Variants in TTPAL observed in about 807,000 individuals in gnomAD.
TTPAL encodes alpha-tocopherol transfer protein-like.
A neutral mutation model predicts 28.7 loss-of-function variants in TTPAL; 21 were observed. The ratio of observed to expected loss-of-function variants is 0.73; its 90% CI spans 0.52 to 1.06. TTPAL has a LOEUF of 1.06. Among genes scored for constraint, TTPAL ranks in the 50% least tolerant of loss-of-function variants. The pLI is 0.00. For missense variants in TTPAL, 345 were observed against 425.5 expected, an observed-to-expected ratio of 0.81 and a Z score of 1.67; for synonymous variants, 169 against 171.9, an observed-to-expected ratio of 0.98 and a Z score of 0.13.
rs2064063105 is a variant in TTPAL, at chr20:44,478,123, T to G, written c.-15-1862T>G. ...GACAGAGCAAGACCCTGTCTCTCTC[T>G]TAAACAAAAAAGTGCATGAGTTCAG... On this transcript the variant is annotated intron_variant, in intron 1 of 4. Transcript: ENST00000262605. 2.6e-5 allele frequency among the ~76,000 whole-genome samples: 4 copies of G among 152,242 alleles called. No homozygotes were observed. The South Asian group carries it at 8.3e-4, about 32-fold the overall frequency.
Position 44,476,433 on chromosome 20 carries a change from C to T in TTPAL, c.-16+442C>T, listed in dbSNP as rs567607302. On this transcript the variant is annotated intron_variant, in intron 1 of 4. Coordinates refer to ENST00000262605, the MANE Select transcript of TTPAL (RefSeq NM_001039199.3). ...CAGGTGGAGGGTACAGATTAGAAGC[C>T]CAGGGTGGGGCTAGACGCATCCTTG... is the stretch of plus-strand genomic sequence containing the variant. Among the ~76,000 whole-genome samples the T allele has an allele frequency of 3.3e-5, 5 of 152,266 alleles. No individual in the cohort carries two copies. The South Asian group carries it at 1.0e-3, about 32-fold the overall frequency.
At chr20:44,486,420 G>GA in intron 3 of TTPAL, 176 bp from the exon 4 acceptor site, 5 of 498,722 alleles carry the variant, frequency 1.0e-5, no homozygotes, top group Admixed American at 3.8e-5. Flanking sequence ...TGGGTCCCAG[G>GA]AAAGACTTTC....
chr20:44,490,778 C>CT lies in TTPAL; in HGVS notation c.*1240dup, dbSNP rs1309727993. On this transcript the variant is annotated 3_prime_UTR_variant, in exon 5 of 5. Transcript: ENST00000262605. ...CTACAGTAGTTAATTACTTGAGATT[C>CT]TTTAATTTTGGTCTCTGAGCTGGGC... 6.6e-6 allele frequency: 1 copy of CT among 152,152 alleles called. No homozygotes were observed. The highest frequency in any genetic ancestry group is 1.5e-5 in the Non-Finnish European group (1 of 68,004). The allele number at this position is 152,152 out of a possible 1,614,324, so 9.4% of individuals were successfully genotyped here.
Position 44,490,536 on chromosome 20 carries a change from T to C in TTPAL, c.*995T>C, listed in dbSNP as rs2064195267. The C allele has an allele frequency of 6.6e-6, 1 of 152,388 alleles. No individual in the cohort carries two copies. The highest frequency in any genetic ancestry group is 6.5e-5 in the Admixed American group (1 of 15,280). The allele number at this position is 152,388 out of a possible 1,614,324, so 9.4% of individuals were successfully genotyped here. On this transcript the variant is annotated 3_prime_UTR_variant, in exon 5 of 5. Coordinates refer to ENST00000262605, the MANE Select transcript of TTPAL (RefSeq NM_001039199.3). ...GGTTGGATCCTGTTTTTGTTTGTGG[T>C]ACATGTGTCTTTCCAAGAGAGATGT...
intron 3 of TTPAL, chr20:44,485,882 A>G (rs1332852264): frequency 6.6e-6 from 1 of 152,224 alleles, no homozygotes; most frequent in Admixed American, 6.5e-5. Context: ...GCAGTTAAGG[A>G]AACTCACTTG....
At chr20:44,488,347 T>C (rs767307617) in intron 4 of TTPAL, among the ~76,000 whole-genome samples, 5 of 152,228 alleles carry the variant, frequency 3.3e-5, no homozygotes, top group Admixed American at 3.3e-4. Flanking sequence ...GTCTTTTACA[T>C]CTGTGAAATG....
chr20:44,489,113 C>A, intron 4 of TTPAL, 150 bp from the exon 5 acceptor site: 2 of 838,938 alleles, frequency 2.4e-6, no homozygotes, highest in African/African-American at 1.7e-5. Context: ...ATACTCCAGG[C>A]TTTCTGGGCT....
chr20:44,477,874 C>A (rs543407683), intron 1 of TTPAL, among the ~76,000 whole-genome samples: 1 of 152,036 alleles, frequency 6.6e-6, no homozygotes, highest in African/African-American at 2.4e-5. Flanking sequence ...AGGCTGGTCT[C>A]GAACTCCTGA....
rs1482086262 is a variant in TTPAL, at chr20:44,491,496, T to C, written c.*1955T>C. The C allele has an allele frequency of 1.3e-5, 2 of 152,364 alleles. No homozygotes were observed. Among genetic ancestry groups the C allele is most frequent in the East Asian group, 3.7e-4 (2 of 5,344 alleles). The allele number at this position is 152,364 out of a possible 1,614,324, so 9.4% of individuals were successfully genotyped here. On this transcript the variant is annotated 3_prime_UTR_variant, in exon 5 of 5. Coordinates refer to ENST00000262605, the MANE Select transcript of TTPAL (RefSeq NM_001039199.3). ...CAATCTGTTGTTACTAAGCTGTTTA[T>C]CTCTATTGCCTTTTTAAATGTCTGG...
At chr20:44,481,479 C>A (rs943273269) in intron 2 of TTPAL, among the ~76,000 whole-genome samples, 10 of 152,180 alleles carry the variant, frequency 6.6e-5, no homozygotes, top group Non-Finnish European at 1.2e-4. Flanking sequence ...CTGTTCTCTT[C>A]CATGACACCA....
chr20:44,482,875 T>G (rs2064119276), intron 2 of TTPAL, among the ~76,000 whole-genome samples: 2 of 152,162 alleles, frequency 1.3e-5, no homozygotes. Context: ...GCTTTTTTTT[T>G]GAGACAGAGT....
intron 1 of TTPAL, among the ~76,000 whole-genome samples, chr20:44,479,689 T>G (rs751652252): frequency 3.8e-4 from 58 of 152,302 alleles, no homozygotes; most frequent in Admixed American, 6.5e-4. Context: ...AATTCACATT[T>G]ATTTAATGAT....
chr20:44,486,554 G>C (rs755465302), intron 3 of TTPAL, 42 bp from the exon 4 acceptor site: 1 of 1,220,262 alleles, frequency 8.2e-7, no homozygotes, highest in Non-Finnish European at 1.2e-6. Context: ...GGTGTGGAAA[G>C]ATTCTCCAGA....
At position 44,492,067 on chromosome 20, in the gene TTPAL, T is replaced by G. The variant is rs541026285; in HGVS notation, c.*2526T>G. On this transcript the variant is annotated 3_prime_UTR_variant, in exon 5 of 5. Coordinates refer to ENST00000262605, the MANE Select transcript of TTPAL (RefSeq NM_001039199.3). ...CCTAAGTTTATCTGCCTCCGGGAGCTGCTTGCTTTGTTTTGGCTCCGAAGA... is the reference window on the plus strand; with the variant it reads ...CCTAAGTTTATCTGCCTCCGGGAGCGGCTTGCTTTGTTTTGGCTCCGAAGA... The G allele has an allele frequency of 6.6e-6, 1 of 152,480 alleles. No homozygotes were observed. Among genetic ancestry groups the G allele is most frequent in the Non-Finnish European group, 1.5e-5 (1 of 68,040 alleles). The allele number at this position is 152,480 out of a possible 1,614,324, so 9.4% of individuals were successfully genotyped here.
chr20:44,482,454 T>A (rs763220964), intron 2 of TTPAL, among the ~76,000 whole-genome samples: 9 of 132,138 alleles, frequency 6.8e-5, no homozygotes, highest in Non-Finnish European at 1.3e-4. Flanking sequence ...ATGCCTGTAA[T>A]CCCAACTACC....
At position 44,480,400 on chromosome 20, in the gene TTPAL, C is replaced by A; in HGVS notation, c.401C>A (p.Pro134His). Residue 134 changes from proline (P) to histidine (H), a missense_variant, in exon 2 of 5, where the codon CCC becomes CAC. Pro to His is a moderately conservative substitution (Grantham distance 77). Coordinates refer to ENST00000262605, the MANE Select transcript of TTPAL (RefSeq NM_001039199.3). This position sits in a 1 kb window ranked among gnomAD's most constrained non-coding sequence, Gnocchi z 4.1. Reference protein sequence around the residue: ...VLASGFLTVLPHTDPRGCHVV... With the variant: ...VLASGFLTVLHHTDPRGCHVV... ...GCTTCCGGGTTCCTCACCGTGCTGC[C>A]CCACACTGACCCCAGGGGCTGCCAT... is the stretch of plus-strand genomic sequence containing the variant. 6.2e-7 allele frequency: 1 copy of A among 1,612,220 alleles called. No homozygotes were observed. Among genetic ancestry groups the A allele is most frequent in the Non-Finnish European group, 8.5e-7 (1 of 1,178,656 alleles).
chr20:44,489,632 G>C lies in TTPAL; in HGVS notation c.*91G>C. On this transcript the variant is annotated 3_prime_UTR_variant, in exon 5 of 5. Transcript: ENST00000262605. ...TTTAAGGGTCCATGGATTCAGTCTT[G>C]CTCCTTGTAATTAAACTGCAGGATG... is the stretch of plus-strand genomic sequence containing the variant. 6.6e-6 allele frequency: 9 copies of C among 1,371,460 alleles called. No individual in the cohort carries two copies. The highest frequency in any genetic ancestry group is 8.8e-6 in the Non-Finnish European group (9 of 1,027,552). The allele number at this position is 1,371,460 out of a possible 1,614,324, so 85.0% of individuals were successfully genotyped here.
At chr20:44,487,277 CAAAA>C (rs11299040) in intron 4 of TTPAL, among the ~76,000 whole-genome samples, 1 of 120,580 alleles carries the variant, frequency 8.3e-6, no homozygotes, top group Non-Finnish European at 1.8e-5. Flanking sequence ...GAGACTGTCT[CAAAA>C]AAAAAAAAAA....
At chr20:44,483,298 C>T (rs1245793676) in intron 2 of TTPAL, among the ~76,000 whole-genome samples, 3 of 152,204 alleles carry the variant, frequency 2.0e-5, no homozygotes, top group African/African-American at 7.2e-5. Context: ...CTGTCCCCAC[C>T]ACTGCTGTCC....
Sources: allele counts gnomAD v4.1 joint callset (sites outside exome capture counted in the v4.1 genomes callset), GRCh38; gene constraint gnomAD v4.1.1; non-coding constraint Gnocchi (gnomAD v3.1); transcripts MANE v1.5; gene names NCBI Gene and HGNC (gene_info 2026-07-23, HGNC 2026-07-21).